Variants in COPS7A observed in about 807,000 individuals in gnomAD.
The protein encoded by COPS7A is COP9 signalosome subunit 7A.
A neutral mutation model predicts 35.2 loss-of-function variants in COPS7A; 20 were observed. The ratio of observed to expected loss-of-function variants is 0.57; its 90% confidence interval spans 0.40 to 0.83. The LOEUF (loss-of-function observed/expected upper bound fraction) is 0.83, where lower values mean the gene tolerates loss of function less well. COPS7A is among the 40% of genes least tolerant of loss of function. The pLI is 0.00. For synonymous variants in COPS7A, 139 were observed against 141.4 expected (o/e 0.98, Z 0.12); for missense variants, 247 against 347.5 (o/e 0.71, Z 2.30).
chr12:6,730,495 G>A lies in COPS7A; in HGVS notation c.624G>A (p.Gln208=), dbSNP rs757586431. 1.9e-6 allele frequency: 3 copies of A among 1,614,154 alleles called. No homozygotes were observed. Among genetic ancestry groups the A allele is most frequent in the Non-Finnish European group, 2.5e-6 (3 of 1,180,026 alleles). The change falls in exon 6 of 8, where the codon CAG becomes CAA. Residue 208 remains glutamine, a synonymous_variant. Coordinates refer to ENST00000543155, the MANE Select transcript of COPS7A (RefSeq NM_001164094.2). ...AGCAGCAGCTGGGCCTGAAGCAGCAGATTGAGAGTGAGGTGAGCAGTCAGG... is the reference window on the plus strand; with the variant it reads ...AGCAGCAGCTGGGCCTGAAGCAGCAAATTGAGAGTGAGGTGAGCAGTCAGG... The part of the protein sequence containing the change: ...HKEQQLGLKQ[Q]IESEVANLKK...
In COPS7A at chr12:6,730,717, G is replaced by T. The variant is rs148675442; in HGVS notation, c.685G>T (p.Ala229Ser). The T allele has an allele frequency of 3.7e-6, 6 of 1,613,576 alleles. No individual in the cohort carries two copies. Among genetic ancestry groups the T allele is most frequent in the Non-Finnish European group, 5.1e-6 (6 of 1,179,942 alleles). Residue 229 changes from alanine (A) to serine (S), a missense_variant, in exon 7 of 8, where the codon GCA becomes TCA. Transcript: ENST00000543155. ...TAAAGTTACGACGGCAGCAGCAGCC[G>T]CAGCCACATCTCAGGACCCTGAGCA... ...TIKVTTAAAA[A>S]ATSQDPEQHL...
At position 6,724,693 on chromosome 12, in the gene COPS7A, G is replaced by C. The variant is rs1422971398; in HGVS notation, c.37G>C (p.Glu13Gln). ...AEVKVTGQNQ[E>Q]QFLLLAKSAK... ...AGTGAAGGTGACAGGGCAGAACCAG[G>C]AGCAATTTCTGCTCCTAGCCAAGTC... The change falls in exon 2 of 8, where the codon GAG (glutamate) becomes CAG (glutamine). Residue 13 changes from glutamate (E) to glutamine (Q), a missense_variant. Physicochemically the swap from Glu to Gln is conservative, Grantham distance 29. Coordinates refer to ENST00000543155, the MANE Select transcript of COPS7A (RefSeq NM_001164094.2). 1 of 1,614,146 alleles carries C rather than the reference G, an allele frequency of 6.2e-7. No individual in the cohort carries two copies. Among genetic ancestry groups the C allele is most frequent in the Non-Finnish European group, 8.5e-7 (1 of 1,180,022 alleles).
intron 2 of COPS7A, chr12:6,725,577 C>T: frequency 2.2e-6 from 1 of 454,760 alleles, no homozygotes; most frequent in African/African-American, 2.0e-5. Context: ...TTAGCATGCC[C>T]TTTTCTTCCC....
Position 6,729,081 on chromosome 12 carries a change from A to G in COPS7A, c.328-166A>G. On this transcript the variant is annotated intron_variant, in intron 4 of 7. Transcript: ENST00000543155. This position sits in a 1 kb window ranked among gnomAD's most constrained non-coding sequence, Gnocchi z 4.2. ...TAATGATGCTGTTTTTGAAGTGGGAATACTTTTATTTATTTTGCTTTAGAA... is the reference window on the plus strand; with the variant it reads ...TAATGATGCTGTTTTTGAAGTGGGAGTACTTTTATTTATTTTGCTTTAGAA... 1.6e-6 allele frequency: 1 copy of G among 630,296 alleles called. No homozygotes were observed. Among genetic ancestry groups the G allele is most frequent in the Non-Finnish European group, 2.8e-6 (1 of 359,822 alleles). The allele number at this position is 630,296 out of a possible 1,614,324, so 39.0% of individuals were successfully genotyped here.
rs1941340735 is a variant in COPS7A at position 6,729,530 on chromosome 12, G to T, written c.530+81G>T. On this transcript the variant is annotated intron_variant, in intron 5 of 7. Coordinates refer to ENST00000543155, the MANE Select transcript of COPS7A (RefSeq NM_001164094.2). The surrounding 1 kb of genome is among the most constrained non-coding windows in gnomAD (Gnocchi z 4.2). The stretch of plus-strand genomic sequence containing the variant: ...TTCAGGGTGAGAGAGGGCAGGAGCT[G>T]GGCTGGTCCGCAGAGGTGGAACCCA... 2.8e-5 allele frequency: 40 copies of T among 1,432,280 alleles called. No individual in the cohort carries two copies. The highest frequency in any genetic ancestry group is 3.7e-5 in the Non-Finnish European group (39 of 1,051,438). The allele number at this position is 1,432,280 out of a possible 1,614,324, so 88.7% of individuals were successfully genotyped here.
Position 6,731,314 on chromosome 12 carries a change from C to T in COPS7A, c.*275C>T, listed in dbSNP as rs1338483755. The stretch of plus-strand genomic sequence containing the variant: ...CCTTGTTTCCTTAAGAGCTCAGCAT[C>T]TGTCCCTGTTCATTACATGTCATTG... On this transcript the variant is annotated 3_prime_UTR_variant, in exon 8 of 8. Transcript: ENST00000543155. The T allele has an allele frequency of 2.8e-6, 4 of 1,428,770 alleles. No individual in the cohort carries two copies. The highest frequency in any genetic ancestry group is 2.7e-6 in the Non-Finnish European group (3 of 1,095,806). 88.5% of individuals were successfully genotyped at this position (1,428,770 alleles called of 1,614,324 possible). A position where few individuals can be genotyped will look rare whatever the true frequency, so the allele number is the denominator to read the frequency against.
At chr12:6,730,647 C>A (rs374957064) in intron 6 of COPS7A, 22 bp from the exon 7 acceptor site, 2 of 1,613,926 alleles carry the variant, frequency 1.2e-6, no homozygotes, top group East Asian at 4.5e-5. Context: ...CCTTGCTATC[C>A]CCATTCCTTT....
intron 2 of COPS7A, 29 bp from the exon 3 acceptor site, chr12:6,727,897 C>T (rs117732091): frequency 8.1e-6 from 13 of 1,610,920 alleles, no homozygotes; most frequent in East Asian, 2.2e-5. Flanking sequence ...GAAGACTTCC[C>T]GTCACCTCCT....
chr12:6,728,318 G>A lies in COPS7A; in HGVS notation c.327+7G>A. 1 of 1,611,360 alleles carries A rather than the reference G, an allele frequency of 6.2e-7. No homozygotes were observed. The highest frequency in any genetic ancestry group is 1.7e-4 in the Middle Eastern group (1 of 6,048). ...CCTGGCTGCTAAAGTAAAGGTGAGT[G>A]GCAGTCCCCCAGTCCTACGGTCTAG... is the stretch of plus-strand genomic sequence containing the variant. On this transcript the variant is annotated splice_region_variant and intron_variant, in intron 4 of 7. Transcript: ENST00000543155.
At position 6,729,750 on chromosome 12, in the gene COPS7A, G is replaced by T. The variant is rs1941346291; in HGVS notation, c.530+301G>T. Reference sequence around the variant, plus strand: ...TAGGCTAGACTCTGTCGATTGATCTGTAACTACCATTATCCACAGGCCATG... The same window carrying T: ...TAGGCTAGACTCTGTCGATTGATCTTTAACTACCATTATCCACAGGCCATG... On this transcript the variant is annotated intron_variant, in intron 5 of 7. Transcript: ENST00000543155. This position sits in a 1 kb window ranked among gnomAD's most constrained non-coding sequence, Gnocchi z 4.2. Among the ~76,000 whole-genome samples, 1 of 152,178 alleles carries T rather than the reference G, an allele frequency of 6.6e-6. No individual in the cohort carries two copies. Among genetic ancestry groups the T allele is most frequent in the Admixed American group, 6.6e-5 (1 of 15,264 alleles).
At chr12:6,725,084 C>G (rs1353092775) in intron 2 of COPS7A, among the ~76,000 whole-genome samples, 2 of 152,082 alleles carry the variant, frequency 1.3e-5, no homozygotes, top group African/African-American at 2.4e-5. Context: ...CAGCCGGTCT[C>G]CACCAGTGTA....
At chr12:6,727,593 C>A (rs1431447028) in intron 2 of COPS7A, 1 of 480,554 alleles carries the variant, frequency 2.1e-6, no homozygotes. Flanking sequence ...ACTCTGAGGG[C>A]AGGCAACACA....
rs74057093 is a variant in COPS7A, at chr12:6,729,670, A to G, written c.530+221A>G. On this transcript the variant is annotated intron_variant, in intron 5 of 7. Transcript: ENST00000543155. This position sits in a 1 kb window ranked among gnomAD's most constrained non-coding sequence, Gnocchi z 4.2. ...TCCTTGATATAGTAGTTGGGGGAGG[A>G]AAAGGGAGTGGTATACTTAAGGGGA... Among the ~76,000 whole-genome samples the G allele has an allele frequency of 0.021, 3,246 of 152,074 alleles. 145 individuals carry two copies. The highest frequency in any genetic ancestry group is 0.074 in the African/African-American group (3,087 of 41,446).
At position 6,730,717 on chromosome 12, in the gene COPS7A, GCAGCCA is replaced by G; in HGVS notation, c.688_693del (p.Ala230_Thr231del). The G allele has an allele frequency of 1.2e-6, 2 of 1,613,576 alleles. No homozygotes were observed. Among genetic ancestry groups the G allele is most frequent in the Non-Finnish European group, 1.7e-6 (2 of 1,179,942 alleles). On this transcript the variant is annotated inframe_deletion, in exon 7 of 8. Coordinates refer to ENST00000543155, the MANE Select transcript of COPS7A (RefSeq NM_001164094.2). ...TAAAGTTACGACGGCAGCAGCAGCC[GCAGCCA>G]CATCTCAGGACCCTGAGCAACACCT...
chr12:6,727,906 C>T lies in COPS7A; in HGVS notation c.163-20C>T. On this transcript the variant is annotated intron_variant, in intron 2 of 7. Coordinates refer to ENST00000543155, the MANE Select transcript of COPS7A (RefSeq NM_001164094.2). The stretch of plus-strand genomic sequence containing the variant: ...GAGAGGGAAGACTTCCCGTCACCTC[C>T]TTTTTCCTCATTCTCGCAGCTGGCT... The T allele has an allele frequency of 3.1e-6, 5 of 1,613,838 alleles. No homozygotes were observed. The highest frequency in any genetic ancestry group is 4.2e-6 in the Non-Finnish European group (5 of 1,179,762).
Position 6,729,155 on chromosome 12 carries a change from G to T in COPS7A, c.328-92G>T. ...TAGGAATGGGAGTGGAGGGCAGGTG[G>T]GCTAGGGCAGGGGGAAAAGGAGGGA... On this transcript the variant is annotated intron_variant, in intron 4 of 7. Transcript: ENST00000543155. The surrounding 1 kb of genome is among the most constrained non-coding windows in gnomAD (Gnocchi z 4.2). 8 of 1,303,944 alleles carry T rather than the reference G, an allele frequency of 6.1e-6. No individual in the cohort carries two copies. Among genetic ancestry groups the T allele is most frequent in the Non-Finnish European group, 8.8e-6 (8 of 906,526 alleles). The allele number at this position is 1,303,944 out of a possible 1,614,324, so 80.8% of individuals were successfully genotyped here.
At chr12:6,726,837 C>G (rs1361008767) in intron 2 of COPS7A, among the ~76,000 whole-genome samples, 2 of 152,092 alleles carry the variant, frequency 1.3e-5, no homozygotes, top group African/African-American at 4.8e-5. Flanking sequence ...AAGAAAAGCA[C>G]CAGGCATGGA....
chr12:6,726,042 C>T (rs1349244885), intron 2 of COPS7A: 19 of 391,914 alleles, frequency 4.8e-5, no homozygotes, highest in South Asian at 2.7e-4. Flanking sequence ...GGGCTGGGCA[C>T]GGTGGCTCAT....
In COPS7A at chr12:6,731,448, C is replaced by T. The variant is rs973444679; in HGVS notation, c.*409C>T. ...CTGATCCCCAGTTCCTATACCCTACCCCTGACCTATTGAGCAGCCTCTGAA... is the reference window on the plus strand; with the variant it reads ...CTGATCCCCAGTTCCTATACCCTACTCCTGACCTATTGAGCAGCCTCTGAA... On this transcript the variant is annotated 3_prime_UTR_variant, in exon 8 of 8. Coordinates refer to ENST00000543155, the MANE Select transcript of COPS7A (RefSeq NM_001164094.2). 2 of 600,876 alleles carry T rather than the reference C, an allele frequency of 3.3e-6. No individual in the cohort carries two copies. Among genetic ancestry groups the T allele is most frequent in the Non-Finnish European group, 4.8e-6 (2 of 418,310 alleles). 37.2% of individuals were successfully genotyped at this position (600,876 alleles called of 1,614,324 possible). A position where few individuals can be genotyped will look rare whatever the true frequency, so the allele number is the denominator to read the frequency against.
Sources: allele counts gnomAD v4.1 joint callset (sites outside exome capture counted in the v4.1 genomes callset), GRCh38; gene constraint gnomAD v4.1.1; non-coding constraint Gnocchi (gnomAD v3.1); transcripts MANE v1.5; gene names NCBI Gene and HGNC (gene_info 2026-07-23, HGNC 2026-07-21).